The following ACOT1 variants were observed in gnomAD, a reference collection of about 807,000 sequenced individuals.
The protein encoded by ACOT1 is acyl-CoA thioesterase 1.
ACOT1 carries 8 observed loss-of-function variants against 15.7 expected under a neutral mutation model. The observed-to-expected ratio is 0.51, with a 90% confidence interval of 0.30 to 0.92. The LOEUF (loss-of-function observed/expected upper bound fraction) is 0.92, where lower values mean the gene tolerates loss of function less well. Ranked by LOEUF, ACOT1 falls within the 40% of genes least tolerant of loss-of-function variation. The pLI, the probability that ACOT1 is intolerant of heterozygous loss-of-function variation, is 0.06. For synonymous variants in ACOT1, 67 were observed against 241.2 expected, an observed-to-expected ratio of 0.28 and a Z score of 6.69; for missense variants, 151 against 539.4, an observed-to-expected ratio of 0.28 and a Z score of 7.13.
intron 1 of ACOT1, 75 bp downstream of exon 1, chr14:73,537,953 C>G: frequency 5.8e-6 from 6 of 1,026,796 alleles, no homozygotes; most frequent in Admixed American, 4.8e-5. Context: ...GTGTGTGTGT[C>G]CCCTTCGCCC....
the ACOT1 span, among the ~76,000 whole-genome samples, chr14:73,517,952 GGC>G: frequency 6.6e-6 from 1 of 152,270 alleles, no homozygotes; most frequent in African/African-American, 2.4e-5. Flanking sequence ...TGGGTGTGGT[GGC>G]GCGCACCTGT....
the ACOT1 span, chr14:73,491,401 G>T: frequency 4.6e-5 from 62 of 1,344,618 alleles, no homozygotes; most frequent in Non-Finnish European, 5.7e-5. Context: ...CTTCCGCGCC[G>T]CCCGCGCGCC....
the ACOT1 span, among the ~76,000 whole-genome samples, chr14:73,509,056 G>T: frequency 0.027 from 4,032 of 152,074 alleles, 190 homozygotes; most frequent in African/African-American, 0.093. Context: ...TTATAGAGAT[G>T]GGGTCTTGTT....
At chr14:73,527,775 C>T in the ACOT1 span, among the ~76,000 whole-genome samples, 12,963 of 151,130 alleles carry the variant, frequency 0.086, 706 homozygotes, top group African/African-American at 0.15. Context: ...ATCAGGGGTT[C>T]GAGACCAGCC....
chr14:73,537,965 G>T lies in ACOT1; in HGVS notation c.457+87G>T. 3.9e-6 allele frequency: 4 copies of T among 1,022,066 alleles called. 1 individual carries two copies. In the Admixed American group the frequency reaches 2.0e-4, roughly 50 times the overall value. The allele number at this position is 1,022,066 out of a possible 1,614,324, so 63.3% of individuals were successfully genotyped here. ...TGTGTGTGTGTGTCCCCTTCGCCCCGCCCCGCTCTTTTCGCTTGTGTGTGT... is the reference window on the plus strand; with the variant it reads ...TGTGTGTGTGTGTCCCCTTCGCCCCTCCCCGCTCTTTTCGCTTGTGTGTGT... On this transcript the variant is annotated intron_variant, in intron 1 of 2. Transcript: ENST00000311148.
chr14:73,491,766 T>C, the ACOT1 span: 5 of 1,567,680 alleles, frequency 3.2e-6, no homozygotes, highest in Non-Finnish European at 3.5e-6. Context: ...CTGGATTCGA[T>C]GCTGCGCAAC....
At chr14:73,539,343 C>T (rs113968912) in intron 1 of ACOT1, 1 of 122,478 alleles carries the variant, frequency 8.2e-6, no homozygotes, top group Non-Finnish European at 1.8e-5. Context: ...CTCTTGGCCT[C>T]GAATGGTATC....
the ACOT1 span, chr14:73,512,291 T>C: frequency 4.3e-6 from 4 of 924,866 alleles, no homozygotes; most frequent in East Asian, 1.1e-4. Context: ...GGCCCAGAGA[T>C]GGGGTCTTTA....
upstream of ACOT1, among the ~76,000 whole-genome samples, chr14:73,535,112 A>G (rs1196268868): frequency 6.1e-5 from 7 of 115,474 alleles, 1 homozygote; most frequent in South Asian, 1.9e-3. Context: ...ATGACATCAC[A>G]ATTAAACTGG....
the ACOT1 span, chr14:73,499,139 AC>A: frequency 6.2e-7 from 1 of 1,614,054 alleles, no homozygotes; most frequent in Non-Finnish European, 8.5e-7. Flanking sequence ...GCATTCAAGC[AC>A]CTGGGATGGA....
At chr14:73,500,156 G>A in the ACOT1 span, among the ~76,000 whole-genome samples, 1 of 152,158 alleles carries the variant, frequency 6.6e-6, no homozygotes, top group African/African-American at 2.4e-5. Context: ...CGTGAACCTG[G>A]GAGGCGGAGC....
chr14:73,537,560 C>G lies in ACOT1; in HGVS notation c.139C>G (p.Gln47Glu). The stretch of plus-strand genomic sequence containing the variant: ...GCGCGACGAGAAGGGCGCGCTTTTC[C>G]AGGCCCACGCGCGCTACCGCGCCGA... Reference protein sequence around the residue: ...SLRDEKGALFQAHARYRADTL... With the variant: ...SLRDEKGALFEAHARYRADTL... The change falls in exon 1 of 3, where the codon CAG (glutamine) becomes GAG (glutamate). Residue 47 changes from glutamine (Q) to glutamate (E), a missense_variant. Gln to Glu is a conservative substitution (Grantham distance 29). Coordinates refer to ENST00000311148, the MANE Select transcript of ACOT1 (RefSeq NM_001037161.2). 1.6e-6 allele frequency: 2 copies of G among 1,213,926 alleles called. No homozygotes were observed. Among genetic ancestry groups the G allele is most frequent in the Non-Finnish European group, 2.2e-6 (2 of 924,520 alleles). The allele number at this position is 1,213,926 out of a possible 1,614,324, so 75.2% of individuals were successfully genotyped here.
chr14:73,496,707 T>C, the ACOT1 span: 1 of 1,217,770 alleles, frequency 8.2e-7, no homozygotes, highest in Non-Finnish European at 1.2e-6. Context: ...CTTCTTAGAT[T>C]ATTCTACCCT....
chr14:73,506,341 G>A, the ACOT1 span: 2 of 660,268 alleles, frequency 3.0e-6, no homozygotes, highest in Admixed American at 5.0e-5. Flanking sequence ...GAAGTAAGAA[G>A]TAGTGATGTG....
chr14:73,500,776 T>A, the ACOT1 span: 27 of 1,574,566 alleles, frequency 1.7e-5, no homozygotes, highest in East Asian at 5.8e-4. Context: ...AAACTTTCAG[T>A]ACCTAACCCC....
the ACOT1 span, chr14:73,520,688 G>A: frequency 7.3e-4 from 464 of 633,556 alleles, 2 homozygotes; most frequent in Middle Eastern, 5.3e-3. Flanking sequence ...ATCACTCCCC[G>A]ACCCAACTCC....
At chr14:73,522,335 T>C in the ACOT1 span, 1 of 1,614,228 alleles carries the variant, frequency 6.2e-7, no homozygotes, top group South Asian at 1.1e-5. Flanking sequence ...GATGACACTT[T>C]GATCCTCAAA....
upstream of ACOT1, among the ~76,000 whole-genome samples, chr14:73,535,828 T>C (rs1385333843): frequency 1.7e-5 from 2 of 115,132 alleles, 1 homozygote; most frequent in Non-Finnish European, 3.8e-5. Context: ...CTGAAACTCC[T>C]GGCCTTAAGA....
the ACOT1 span, among the ~76,000 whole-genome samples, chr14:73,530,782 A>G: frequency 1.2e-5 from 1 of 85,728 alleles, no homozygotes. Context: ...ATAGCACACC[A>G]CTCTCGGTTA....
Sources: gnomAD v4.1 joint callset for allele counts (sites outside exome capture counted in the v4.1 genomes callset) on GRCh38, gnomAD v4.1.1 for gene constraint, MANE v1.5 for transcripts, NCBI Gene and HGNC (gene_info 2026-07-23, HGNC 2026-07-21) for gene names.